Variants in ZNF385D observed in about 807,000 individuals in gnomAD.
ZNF385D encodes zinc finger protein 659.
Under a neutral mutation model 35.8 loss-of-function variants are expected in ZNF385D, and 15 were observed. The observed-to-expected ratio is 0.42, with a 90% CI of 0.28 to 0.64. The LOEUF is 0.64. Among genes scored for constraint, ZNF385D ranks in the 30% least tolerant of loss-of-function variants. The probability of loss-of-function intolerance (pLI) is 0.23; values close to 1 mark genes in which losing one functional copy is unlikely to be tolerated. For synonymous variants in ZNF385D, 212 were observed against 186.8 expected (o/e 1.13, Z -1.10); for missense variants, 474 against 494.6 (o/e 0.96, Z 0.39).
intron 4 of ZNF385D, among the ~76,000 whole-genome samples, chr3:21,456,622 A>G (rs1354604673): frequency 6.6e-6 from 1 of 152,156 alleles, no homozygotes; most frequent in Non-Finnish European, 1.5e-5. Context: ...GCATTAGGAG[A>G]TATACCTAAT....
intron 4 of ZNF385D, among the ~76,000 whole-genome samples, chr3:21,502,250 C>T (rs752970029): frequency 8.5e-5 from 13 of 152,128 alleles, no homozygotes; most frequent in African/African-American, 1.7e-4. Context: ...AGCATCACAC[C>T]GGGACAGACT....
intron 2 of ZNF385D, among the ~76,000 whole-genome samples, chr3:21,636,394 A>ATGAT (rs1217958607): frequency 5.9e-4 from 23 of 38,896 alleles, no homozygotes; most frequent in African/African-American, 2.1e-3. Flanking sequence ...ATATATATAT[A>ATGAT]TATATATATA....
chr3:21,543,280 A>C (rs1273297723), intron 3 of ZNF385D, among the ~76,000 whole-genome samples: 2 of 151,890 alleles, frequency 1.3e-5, no homozygotes, highest in South Asian at 2.1e-4. Context: ...ACGCCACTCT[A>C]CTCCAGCCTG....
chr3:22,184,509 A>G (rs1414554180), intron 2 of ZNF385D, among the ~76,000 whole-genome samples: 3 of 152,104 alleles, frequency 2.0e-5, no homozygotes, highest in Admixed American at 6.6e-5. Context: ...GAAACAAAAG[A>G]CTTGATGGTA....
At chr3:22,101,692 C>G (rs1048097396) in intron 3 of ZNF385D, among the ~76,000 whole-genome samples, 9 of 145,010 alleles carry the variant, frequency 6.2e-5, no homozygotes, top group African/African-American at 2.5e-4. Context: ...CAGCTACAAA[C>G]CTCGGAAAGG....
chr3:22,114,893 C>T (rs2125652892), intron 3 of ZNF385D, among the ~76,000 whole-genome samples: 1 of 152,128 alleles, frequency 6.6e-6, no homozygotes, highest in Middle Eastern at 3.4e-3. Context: ...CATCTGGCAG[C>T]CCTTTGCCCT....
At chr3:22,032,402 A>G (rs1185610916) in intron 3 of ZNF385D, among the ~76,000 whole-genome samples, 1 of 152,206 alleles carries the variant, frequency 6.6e-6, no homozygotes, top group Non-Finnish European at 1.5e-5. Flanking sequence ...GTCATTTTAC[A>G]AACTATCGGA....
chr3:22,182,818 G>A (rs568336373), intron 2 of ZNF385D, among the ~76,000 whole-genome samples: 8 of 151,982 alleles, frequency 5.3e-5, no homozygotes, highest in African/African-American at 1.7e-4. Context: ...GTAAATTTAA[G>A]ATAAAAAATA....
chr3:22,181,620 C>G (rs999930521), intron 2 of ZNF385D, among the ~76,000 whole-genome samples: 5 of 150,086 alleles, frequency 3.3e-5, no homozygotes, highest in African/African-American at 7.4e-5. Flanking sequence ...ATGGTGTGAA[C>G]TCAGGAGGCG....
At chr3:21,857,594 C>A (rs941435571) in intron 3 of ZNF385D, among the ~76,000 whole-genome samples, 1 of 151,766 alleles carries the variant, frequency 6.6e-6, no homozygotes, top group African/African-American at 2.4e-5. Context: ...TCCTGGAGCT[C>A]AGTGAGAGCT....
intron 3 of ZNF385D, among the ~76,000 whole-genome samples, chr3:22,044,794 A>G (rs1698882795): frequency 1.3e-5 from 2 of 152,148 alleles, no homozygotes; most frequent in African/African-American, 2.4e-5. Flanking sequence ...TCATGAAACA[A>G]AAGACAAGAA....
intron 4 of ZNF385D, among the ~76,000 whole-genome samples, chr3:21,471,149 T>C (rs1703858791): frequency 6.6e-6 from 1 of 152,152 alleles, no homozygotes; most frequent in Non-Finnish European, 1.5e-5. Context: ...GCCGGCGTTA[T>C]GCCCAAATTA....
At chr3:21,993,194 A>C (rs568237959) in intron 3 of ZNF385D, among the ~76,000 whole-genome samples, 1 of 152,344 alleles carries the variant, frequency 6.6e-6, no homozygotes, top group Non-Finnish European at 1.5e-5. Flanking sequence ...TTTGACATTC[A>C]TATCTGTCTC....
chr3:22,124,851 T>C lies in ZNF385D; in HGVS notation c.325+43966A>G, dbSNP rs571406354. Among the ~76,000 whole-genome samples, 11 of 152,276 alleles carry C rather than the reference T, an allele frequency of 7.2e-5. No individual in the cohort carries two copies. In the South Asian group the frequency reaches 2.3e-3, roughly 32 times the overall value. ...AGATGGATAGTTTGCAAATAATTGT[T>C]TCCCATACTGTGCGTTGTTTCTTCA... is the stretch of plus-strand genomic sequence containing the variant. On this transcript the variant is annotated intron_variant, in intron 3 of 5. Coordinates refer to the ZNF385D transcript ENST00000494108.
intron 1 of ZNF385D, among the ~76,000 whole-genome samples, chr3:21,710,237 T>A (rs1163203048): frequency 6.6e-6 from 1 of 152,176 alleles, no homozygotes; most frequent in African/African-American, 2.4e-5. Flanking sequence ...ATAGACTGCA[T>A]GCATTTGTCA....
In ZNF385D at chr3:21,987,097, AC is replaced by A. The variant is rs1191722674; in HGVS notation, c.325+181719del. 1.2e-4 allele frequency among the ~76,000 whole-genome samples: 14 copies of A among 120,214 alleles called. 1 individual carries two copies. Among genetic ancestry groups the A allele is most frequent in the African/African-American group, 4.4e-4 (12 of 27,084 alleles). The allele number at this position is 120,214 out of a possible 152,430, so 78.9% of individuals were successfully genotyped here. A position where few individuals can be genotyped will look rare whatever the true frequency, so the allele number is the denominator to read the frequency against. On this transcript the variant is annotated intron_variant, in intron 3 of 5. Transcript: ENST00000494108. ...GAGATGGGTTTCCTGAATACAGCAC[AC>A]TGATGGGTCTTGACTCTTTATCCAA...
chr3:21,911,724 A>T (rs529039934), intron 3 of ZNF385D, among the ~76,000 whole-genome samples: 3 of 152,080 alleles, frequency 2.0e-5, no homozygotes, highest in African/African-American at 7.2e-5. Context: ...TATTTGCCAA[A>T]AACTTATTTT....
intron 1 of ZNF385D, among the ~76,000 whole-genome samples, chr3:21,712,515 T>C (rs894501749): frequency 1.3e-5 from 2 of 152,210 alleles, no homozygotes; most frequent in African/African-American, 4.8e-5. Context: ...TTTAAGCCAT[T>C]ATCAAATTTA....
intron 3 of ZNF385D, among the ~76,000 whole-genome samples, chr3:22,143,059 T>TTTTGTG (rs1421491512): frequency 5.5e-4 from 77 of 140,994 alleles, no homozygotes; most frequent in African/African-American, 2.1e-3. Flanking sequence ...ATTAAATCGG[T>TTTTGTG]TGTGTGTGTG....
Sources: gnomAD v4.1 joint callset for allele counts (sites outside exome capture counted in the v4.1 genomes callset) on GRCh38, gnomAD v4.1.1 for gene constraint, MANE v1.5 for transcripts, NCBI Gene and HGNC (gene_info 2026-07-23, HGNC 2026-07-21) for gene names.